SPAG16: variants seen among roughly 807,000 people sequenced by gnomAD.
SPAG16 encodes sperm-associated antigen 16 protein.
A neutral mutation model predicts 80.4 loss-of-function variants in SPAG16; 86 were observed. That is an observed-to-expected ratio of 1.07 (90% CI 0.90 to 1.28). The LOEUF is 1.28. SPAG16 is among the 50% of genes most tolerant of loss of function. The probability of loss-of-function intolerance (pLI) is 0.00; values close to 1 mark genes in which losing one functional copy is unlikely to be tolerated. For synonymous variants in SPAG16, 294 were observed against 265.9 expected (o/e 1.11, Z -1.03); for missense variants, 870 against 765.3 (o/e 1.14, Z -1.61).
intron 10 of SPAG16, among the ~76,000 whole-genome samples, chr2:213,685,753 A>T (rs1044005705): frequency 3.3e-5 from 5 of 152,204 alleles, no homozygotes; most frequent in African/African-American, 1.2e-4. Flanking sequence ...GAAAAAGATG[A>T]TAGTAGCTTG....
At chr2:213,639,478 A>T (rs918423328) in intron 10 of SPAG16, among the ~76,000 whole-genome samples, 1 of 152,156 alleles carries the variant, frequency 6.6e-6, no homozygotes, top group African/African-American at 2.4e-5. Context: ...TGTGAAAAAG[A>T]CTTTATCTCC....
intron 15 of SPAG16, among the ~76,000 whole-genome samples, chr2:214,294,982 T>C (rs1387331296): frequency 2.0e-5 from 3 of 152,252 alleles, no homozygotes; most frequent in African/African-American, 4.8e-5. Context: ...TGATAATGCC[T>C]GTATCCCTGT....
chr2:213,285,084 C>T (rs1215295527), intron 1 of SPAG16, among the ~76,000 whole-genome samples: 1 of 152,170 alleles, frequency 6.6e-6, no homozygotes, highest in Admixed American at 6.5e-5. Context: ...GAATACCCAA[C>T]CCACGATCCT....
chr2:214,021,848 AT>A (rs2047884205), intron 13 of SPAG16, among the ~76,000 whole-genome samples: 1 of 152,106 alleles, frequency 6.6e-6, no homozygotes, highest in Non-Finnish European at 1.5e-5. Context: ...CAGTTATTAA[AT>A]ACATGATGTC....
intron 15 of SPAG16, among the ~76,000 whole-genome samples, chr2:214,168,800 G>A (rs1372718983): frequency 6.6e-6 from 1 of 151,980 alleles, no homozygotes; most frequent in Non-Finnish European, 1.5e-5. Context: ...GAGAGCAAAG[G>A]GGAACAAACC....
intron 10 of SPAG16, among the ~76,000 whole-genome samples, chr2:213,520,040 CACGAGA>C (rs1401696950): frequency 6.6e-6 from 1 of 151,496 alleles, no homozygotes; most frequent in Non-Finnish European, 1.5e-5. Context: ...CACACACACA[CACGAGA>C]GAGAGAGAGA....
At chr2:213,845,529 T>G (rs2074580406) in intron 10 of SPAG16, among the ~76,000 whole-genome samples, 1 of 152,104 alleles carries the variant, frequency 6.6e-6, no homozygotes, top group Non-Finnish European at 1.5e-5. Context: ...TGAACAGTAT[T>G]AATAAGTTCA....
chr2:213,792,154 CAG>C (rs1486815362), intron 10 of SPAG16, among the ~76,000 whole-genome samples: 1 of 152,088 alleles, frequency 6.6e-6, no homozygotes, highest in Non-Finnish European at 1.5e-5. Context: ...TTACAGAAAA[CAG>C]AATTGAAGTA....
intron 10 of SPAG16, among the ~76,000 whole-genome samples, chr2:213,718,648 G>C (rs1430755953): frequency 6.6e-6 from 1 of 152,186 alleles, no homozygotes; most frequent in East Asian, 1.9e-4. Flanking sequence ...AGTGGCTGCG[G>C]AGGGTGTACT....
chr2:214,129,088 T>A (rs1345319291), intron 14 of SPAG16, among the ~76,000 whole-genome samples: 1 of 150,344 alleles, frequency 6.7e-6, no homozygotes, highest in East Asian at 1.9e-4. Flanking sequence ...AGTAATTTCC[T>A]CACAGTCATA....
At chr2:213,867,495 C>T (rs2075738403) in intron 11 of SPAG16, among the ~76,000 whole-genome samples, 1 of 152,126 alleles carries the variant, frequency 6.6e-6, no homozygotes, top group African/African-American at 2.4e-5. Flanking sequence ...AATAATGATG[C>T]CTACTTTATA....
chr2:213,670,718 A>T (rs1378974599), intron 10 of SPAG16, among the ~76,000 whole-genome samples: 1 of 152,192 alleles, frequency 6.6e-6, no homozygotes, highest in Non-Finnish European at 1.5e-5. Context: ...ATTTCTTCAC[A>T]TTATGCATGC....
chr2:214,324,003 G>C (rs1696297835), intron 15 of SPAG16, among the ~76,000 whole-genome samples: 1 of 152,126 alleles, frequency 6.6e-6, no homozygotes, highest in Non-Finnish European at 1.5e-5. Context: ...TAAAAGGTCT[G>C]ATCTTTAGTA....
At chr2:214,175,649 G>T (rs769501444) in intron 15 of SPAG16, among the ~76,000 whole-genome samples, 5 of 151,444 alleles carry the variant, frequency 3.3e-5, no homozygotes, top group Admixed American at 6.6e-5. Flanking sequence ...GGTGATAGAG[G>T]TTAGGTTGAT....
intron 15 of SPAG16, among the ~76,000 whole-genome samples, chr2:214,258,228 T>C (rs1690840938): frequency 6.6e-6 from 1 of 151,570 alleles, no homozygotes; most frequent in Non-Finnish European, 1.5e-5. Context: ...GTGTAGTCTT[T>C]TATTCCTCAC....
intron 10 of SPAG16, among the ~76,000 whole-genome samples, chr2:213,859,022 T>C (rs1404429512): frequency 1.3e-5 from 2 of 150,772 alleles, no homozygotes; most frequent in Non-Finnish European, 3.0e-5. Flanking sequence ...GTACTAAAAA[T>C]ACAAACATTA....
intron 9 of SPAG16, among the ~76,000 whole-genome samples, chr2:213,385,953 TA>T (rs771473736): frequency 1.5e-4 from 23 of 152,206 alleles, no homozygotes; most frequent in Non-Finnish European, 2.6e-4. Context: ...TTTAAATTTT[TA>T]TATTATTATA....
At chr2:213,971,232 A>G (rs1226583086) in intron 12 of SPAG16, among the ~76,000 whole-genome samples, 3 of 152,176 alleles carry the variant, frequency 2.0e-5, no homozygotes, top group African/African-American at 7.2e-5. Flanking sequence ...TTCTAAATCC[A>G]AGTACATTAA....
At chr2:213,558,173 G>A (rs2059487938) in intron 10 of SPAG16, among the ~76,000 whole-genome samples, 1 of 152,080 alleles carries the variant, frequency 6.6e-6, no homozygotes, top group African/African-American at 2.4e-5. Context: ...ACCTGATAAA[G>A]TAACTATGTG....
Sources: gnomAD v4.1 joint callset for allele counts (sites outside exome capture counted in the v4.1 genomes callset) on GRCh38, gnomAD v4.1.1 for gene constraint, MANE v1.5 for transcripts, NCBI Gene and HGNC (gene_info 2026-07-23, HGNC 2026-07-21) for gene names.